Variants in FHIT observed in about 807,000 individuals in gnomAD.
The protein encoded by FHIT is bis(5'-adenosyl)-triphosphatase.
A neutral mutation model predicts 17.9 loss-of-function variants in FHIT; 19 were observed. The observed-to-expected ratio is 1.06, with a 90% confidence interval of 0.74 to 1.56. The LOEUF (loss-of-function observed/expected upper bound fraction) is 1.56, where lower values mean the gene tolerates loss of function less well. FHIT is among the 40% of genes most tolerant of loss of function. FHIT has a pLI of 0.00. For missense variants in FHIT, 248 were observed against 189.2 expected (o/e 1.31, Z -1.82); for synonymous variants, 81 against 69.7 (o/e 1.16, Z -0.81).
chr3:60,049,614 G>T (rs1200659695), intron 5 of FHIT, among the ~76,000 whole-genome samples: 1 of 152,126 alleles, frequency 6.6e-6, no homozygotes, highest in East Asian at 1.9e-4. Flanking sequence ...GTTTTATGTT[G>T]ATGATATACT....
At chr3:61,009,077 C>T (rs886497922) in intron 3 of FHIT, among the ~76,000 whole-genome samples, 11 of 152,146 alleles carry the variant, frequency 7.2e-5, no homozygotes, top group Admixed American at 5.9e-4. Flanking sequence ...ATTTTACTCA[C>T]CAGTAGTATT....
chr3:61,012,850 GA>G (rs1559908954), intron 3 of FHIT, among the ~76,000 whole-genome samples: 1 of 151,800 alleles, frequency 6.6e-6, no homozygotes, highest in Non-Finnish European at 1.5e-5. Flanking sequence ...GAGACTATAT[GA>G]TGATGCATAA....
At chr3:60,920,998 T>G (rs749799451) in intron 3 of FHIT, among the ~76,000 whole-genome samples, 1 of 152,210 alleles carries the variant, frequency 6.6e-6, no homozygotes, top group Non-Finnish European at 1.5e-5. Context: ...TGTATAAGTA[T>G]AGGTTCATTT....
intron 8 of FHIT, among the ~76,000 whole-genome samples, chr3:59,906,191 G>A (rs1041914281): frequency 2.0e-5 from 3 of 152,192 alleles, no homozygotes; most frequent in Non-Finnish European, 4.4e-5. Flanking sequence ...CAGAGAGCTG[G>A]AGCTTGAATG....
In FHIT at chr3:60,761,104, C is replaced by A. The variant is rs1699635442; in HGVS notation, c.-18+60815G>T. ...AGGGGGAGGGGGGAAAGACTAATGA[C>A]CTTTGACATTAAAATTTAAAATGTC... On this transcript the variant is annotated intron_variant, in intron 4 of 9. Coordinates refer to ENST00000492590, the MANE Select transcript of FHIT (RefSeq NM_002012.4). Among the ~76,000 whole-genome samples the A allele has an allele frequency of 3.9e-5, 6 of 152,174 alleles. No homozygotes were observed. In the South Asian group the frequency reaches 1.3e-3, roughly 32 times the overall value.
At chr3:61,082,246 T>C (rs957283898) in intron 2 of FHIT, among the ~76,000 whole-genome samples, 1 of 152,176 alleles carries the variant, frequency 6.6e-6, no homozygotes, top group African/African-American at 2.4e-5. Context: ...TCCCAATTAA[T>C]TTCCTCCTGC....
intron 8 of FHIT, among the ~76,000 whole-genome samples, chr3:59,825,170 T>G (rs1273206593): frequency 2.0e-5 from 3 of 152,248 alleles, no homozygotes; most frequent in Non-Finnish European, 4.4e-5. Flanking sequence ...TTGATTCTTT[T>G]TCAATAGTGC....
chr3:60,152,172 T>A (rs146818604), intron 5 of FHIT, among the ~76,000 whole-genome samples: 1 of 152,278 alleles, frequency 6.6e-6, no homozygotes, highest in East Asian at 1.9e-4. Context: ...GAAAACCTGA[T>A]AATCAATGAA....
At chr3:60,346,097 C>T (rs1025567988) in intron 5 of FHIT, among the ~76,000 whole-genome samples, 1 of 152,184 alleles carries the variant, frequency 6.6e-6, no homozygotes, top group Non-Finnish European at 1.5e-5. Context: ...GCTAGGGAAG[C>T]AGAGTGTGTT....
rs948159456 is a variant in FHIT at position 61,101,825 on chromosome 3, G to A, written c.-163-59726C>T. On this transcript the variant is annotated intron_variant, in intron 2 of 9. Coordinates refer to ENST00000492590, the MANE Select transcript of FHIT (RefSeq NM_002012.4). ...TATTCTCTTCATAGCAATTGTGAAT[G>A]GGAGTTCACTTATGATTTAGCTCTC... Among the ~76,000 whole-genome samples the A allele has an allele frequency of 2.0e-5, 3 of 152,216 alleles. No homozygotes were observed. The South Asian group carries it at 6.2e-4, about 32-fold the overall frequency.
rs182326221 is a variant in FHIT at position 59,991,967 on chromosome 3, G to C, written c.279+19404C>G. On this transcript the variant is annotated intron_variant, in intron 7 of 9. Transcript: ENST00000492590. ...ATAAATCATCCATTTACTGTAGCCA[G>C]TTTGGGTTTTCTGACACTTGCAACT... 2.5e-3 allele frequency among the ~76,000 whole-genome samples: 380 copies of C among 152,132 alleles called. 1 individual carries two copies. Among genetic ancestry groups the C allele is most frequent in the Middle Eastern group, 0.01 (3 of 294 alleles).
At chr3:59,892,773 A>G (rs796959062) in intron 8 of FHIT, among the ~76,000 whole-genome samples, 8 of 152,226 alleles carry the variant, frequency 5.3e-5, no homozygotes, top group African/African-American at 1.7e-4. Flanking sequence ...GACGAAACCC[A>G]GAGCAAAGTG....
intron 5 of FHIT, among the ~76,000 whole-genome samples, chr3:60,131,816 G>A (rs1699608282): frequency 1.3e-5 from 2 of 152,032 alleles, no homozygotes; most frequent in South Asian, 4.1e-4. Context: ...CACACTGCTT[G>A]CTTTCCTATC....
chr3:61,013,470 C>G (rs1559909379), intron 3 of FHIT, among the ~76,000 whole-genome samples: 1 of 152,154 alleles, frequency 6.6e-6, no homozygotes, highest in Non-Finnish European at 1.5e-5. Context: ...AAAAATTCAC[C>G]TTGCATTCTA....
chr3:60,634,105 G>C (rs11717799), intron 4 of FHIT, among the ~76,000 whole-genome samples: 1 of 152,018 alleles, frequency 6.6e-6, no homozygotes, highest in Non-Finnish European at 1.5e-5. Context: ...CAGTGACCTT[G>C]GCCATGTCCT....
At chr3:60,458,031 C>G (rs1360560225) in intron 5 of FHIT, among the ~76,000 whole-genome samples, 1 of 152,160 alleles carries the variant, frequency 6.6e-6, no homozygotes, top group East Asian at 1.9e-4. Context: ...GTGGCGGTTC[C>G]TCAGGGATCC....
intron 2 of FHIT, among the ~76,000 whole-genome samples, chr3:61,100,839 C>G (rs1239738243): frequency 1.3e-5 from 2 of 152,100 alleles, no homozygotes; most frequent in East Asian, 3.9e-4. Flanking sequence ...CATGTGTCTG[C>G]TGACTGCATA....
intron 3 of FHIT, among the ~76,000 whole-genome samples, chr3:60,919,557 G>A (rs1483028997): frequency 3.9e-5 from 6 of 152,002 alleles, no homozygotes; most frequent in South Asian, 4.2e-4. Context: ...GGGACAAGGC[G>A]GGAGCCTACT....
At chr3:60,574,178 G>A (rs139977551) in intron 4 of FHIT, among the ~76,000 whole-genome samples, 327 of 152,182 alleles carry the variant, frequency 2.1e-3, no homozygotes, top group Middle Eastern at 6.8e-3. Context: ...AGCTATGGGA[G>A]CTACAAAGAG....
Sources: allele counts gnomAD v4.1 joint callset (sites outside exome capture counted in the v4.1 genomes callset), GRCh38; gene constraint gnomAD v4.1.1; transcripts MANE v1.5; gene names NCBI Gene and HGNC (gene_info 2026-07-23, HGNC 2026-07-21).